The following SNTG1 variants were observed in gnomAD, a reference collection of about 807,000 sequenced individuals.
The protein encoded by SNTG1 is syntrophin gamma 1, also known as gamma-1-syntrophin.
SNTG1 carries 39 observed loss-of-function variants against 74.7 expected under a neutral mutation model. The observed-to-expected ratio is 0.52, with a 90% CI of 0.40 to 0.68. The LOEUF is 0.68. Ranked by LOEUF, SNTG1 falls within the 30% of genes least tolerant of loss-of-function variation. SNTG1 has a pLI of 0.00. For missense variants in SNTG1, 685 were observed against 609.5 expected (o/e 1.12, Z -1.30); for synonymous variants, 254 against 217.1 (o/e 1.17, Z -1.49).
intron 2 of SNTG1, among the ~76,000 whole-genome samples, chr8:50,305,095 T>C (rs1477048372): frequency 6.6e-6 from 1 of 151,886 alleles, no homozygotes; most frequent in African/African-American, 2.4e-5. Context: ...GAGATGGGGT[T>C]TCACCATGTT....
intron 12 of SNTG1, among the ~76,000 whole-genome samples, chr8:50,560,212 A>G (rs2094479271): frequency 6.6e-6 from 1 of 152,202 alleles, no homozygotes; most frequent in African/African-American, 2.4e-5. Context: ...TAAAAAGTCA[A>G]GAAGCAACAA....
chr8:50,695,014 A>C (rs2095398680), intron 15 of SNTG1, among the ~76,000 whole-genome samples: 1 of 152,032 alleles, frequency 6.6e-6, no homozygotes, highest in Admixed American at 6.5e-5. Flanking sequence ...ATTTCCTGTA[A>C]GACCTGAAAC....
intron 2 of SNTG1, among the ~76,000 whole-genome samples, chr8:50,388,103 C>T (rs2092602680): frequency 6.6e-6 from 1 of 152,170 alleles, no homozygotes; most frequent in Non-Finnish European, 1.5e-5. Flanking sequence ...TCAGAAATCT[C>T]AGGCTCATGG....
At chr8:50,659,613 C>A (rs2095206564) in intron 15 of SNTG1, among the ~76,000 whole-genome samples, 1 of 152,170 alleles carries the variant, frequency 6.6e-6, no homozygotes, top group South Asian at 2.1e-4. Context: ...AGCTGAAGTT[C>A]TCTGAAGTGC....
chr8:50,583,394 C>CAAAAAAAAAAAAAAAAAAAAAAAAAA (rs58794829), intron 12 of SNTG1, among the ~76,000 whole-genome samples: 1 of 82,426 alleles, frequency 1.2e-5, no homozygotes. Context: ...GAGTGAGACT[C>CAAAAAAAAAAAAAAAAAAAAAAAAAA]AAAAAAAAAA....
chr8:50,401,259 C>T (rs1462119537), intron 3 of SNTG1, among the ~76,000 whole-genome samples: 1 of 152,100 alleles, frequency 6.6e-6, no homozygotes, highest in Non-Finnish European at 1.5e-5. Flanking sequence ...AGATTATATT[C>T]TATCTCAAAG....
chr8:50,364,846 A>G (rs1032349485), intron 2 of SNTG1, among the ~76,000 whole-genome samples: 3 of 152,078 alleles, frequency 2.0e-5, no homozygotes, highest in Non-Finnish European at 4.4e-5. Flanking sequence ...CTTCTTACAA[A>G]TCACAAAAAT....
intron 2 of SNTG1, among the ~76,000 whole-genome samples, chr8:50,271,942 T>A (rs1453144048): frequency 2.0e-5 from 3 of 152,128 alleles, no homozygotes; most frequent in Non-Finnish European, 2.9e-5. Flanking sequence ...AATCCCCTCA[T>A]AAAAGAGACC....
rs556732520 is a variant in SNTG1, at chr8:50,270,682, T to C, written c.-28+98047T>C. Among the ~76,000 whole-genome samples the C allele has an allele frequency of 3.9e-5, 6 of 152,304 alleles. No homozygotes were observed. In the South Asian group the frequency reaches 1.2e-3, roughly 32 times the overall value. On this transcript the variant is annotated intron_variant, in intron 2 of 18. Transcript: ENST00000642720. ...TGTTGTCATTGCTTTGCATAGTACT[T>C]GGAACATAATAACAGATCAACATGT...
At chr8:50,072,826 G>A (rs533774777) in intron 1 of SNTG1, among the ~76,000 whole-genome samples, 1 of 152,266 alleles carries the variant, frequency 6.6e-6, no homozygotes, top group East Asian at 1.9e-4. Flanking sequence ...TAGTTTCCTA[G>A]TGCATATTCC....
chr8:50,729,288 A>G (rs1012099540), intron 17 of SNTG1, among the ~76,000 whole-genome samples: 2 of 152,202 alleles, frequency 1.3e-5, no homozygotes, highest in African/African-American at 2.4e-5. Context: ...ACAGAGTCCA[A>G]ATATAATGTG....
chr8:50,457,449 C>T (rs2093516709), intron 8 of SNTG1, among the ~76,000 whole-genome samples: 1 of 152,090 alleles, frequency 6.6e-6, no homozygotes, highest in Admixed American at 6.5e-5. Context: ...TTAAGGCCTT[C>T]CCAAGGAGCA....
chr8:50,637,800 T>G (rs1037193893), intron 13 of SNTG1, among the ~76,000 whole-genome samples: 1 of 151,972 alleles, frequency 6.6e-6, no homozygotes, highest in African/African-American at 2.4e-5. Flanking sequence ...CATATCTTTA[T>G]CTGTATAAAT....
intron 5 of SNTG1, among the ~76,000 whole-genome samples, chr8:50,439,146 G>A (rs963445842): frequency 1.3e-5 from 2 of 151,922 alleles, no homozygotes; most frequent in African/African-American, 4.8e-5. Context: ...AATTTTAAAG[G>A]CCTTTATTTT....
At chr8:50,307,966 T>G (rs926887907) in intron 2 of SNTG1, among the ~76,000 whole-genome samples, 1 of 152,108 alleles carries the variant, frequency 6.6e-6, no homozygotes, top group African/African-American at 2.4e-5. Flanking sequence ...GCTTTCCCTT[T>G]GCCCATATTT....
chr8:50,252,818 C>A (rs10957849), intron 2 of SNTG1, among the ~76,000 whole-genome samples: 3 of 152,254 alleles, frequency 2.0e-5, no homozygotes, highest in Admixed American at 1.3e-4. Flanking sequence ...CCAACATTGA[C>A]AGTCACATTT....
intron 1 of SNTG1, among the ~76,000 whole-genome samples, chr8:49,966,430 T>A (rs1483440728): frequency 1.3e-5 from 2 of 152,004 alleles, no homozygotes; most frequent in East Asian, 3.9e-4. Flanking sequence ...AGTCTCGGTC[T>A]GTTCCTCAGG....
At chr8:50,508,608 C>T (rs2094032403) in intron 9 of SNTG1, among the ~76,000 whole-genome samples, 1 of 152,140 alleles carries the variant, frequency 6.6e-6, no homozygotes, top group Non-Finnish European at 1.5e-5. Flanking sequence ...TAATGATCGC[C>T]ATTCTAACTG....
intron 4 of SNTG1, among the ~76,000 whole-genome samples, chr8:50,430,745 G>C (rs749968848): frequency 6.6e-5 from 10 of 152,144 alleles, no homozygotes; most frequent in Non-Finnish European, 1.5e-4. Flanking sequence ...GGGTGTATAT[G>C]CTCCAGCAAG....
Sources: gnomAD v4.1 joint callset for allele counts (sites outside exome capture counted in the v4.1 genomes callset) on GRCh38, gnomAD v4.1.1 for gene constraint, MANE v1.5 for transcripts, NCBI Gene and HGNC (gene_info 2026-07-23, HGNC 2026-07-21) for gene names.